The following ARHGAP25 variants were observed in gnomAD, a reference collection of about 807,000 sequenced individuals.
ARHGAP25 encodes rho GTPase-activating protein 25.
ARHGAP25 carries 34 observed loss-of-function variants against 71.0 expected under a neutral mutation model. The ratio of observed to expected loss-of-function variants is 0.48; its 90% CI spans 0.36 to 0.64. ARHGAP25 has a LOEUF of 0.64. Among genes scored for constraint, ARHGAP25 ranks in the 30% least tolerant of loss-of-function variants. The probability of loss-of-function intolerance (pLI) is 0.00; values close to 1 mark genes in which losing one functional copy is unlikely to be tolerated. For missense variants in ARHGAP25, 706 were observed against 805.1 expected (o/e 0.88, Z 1.49); for synonymous variants, 282 against 296.5 (o/e 0.95, Z 0.50).
intron 2 of ARHGAP25, among the ~76,000 whole-genome samples, chr2:68,779,249 C>A (rs1027443256): frequency 2.0e-5 from 3 of 152,170 alleles, no homozygotes; most frequent in Non-Finnish European, 4.4e-5. Context: ...CCCATCATGA[C>A]TGATGCAAGC....
At chr2:68,733,930 G>T (rs1675093466), upstream of ARHGAP25, among the ~76,000 whole-genome samples, 1 of 152,154 alleles carries the variant, frequency 6.6e-6, no homozygotes, top group African/African-American at 2.4e-5. Context: ...CTACAGATAA[G>T]AATTGAAGCA....
At chr2:68,755,693 G>A (rs930955648) in intron 1 of ARHGAP25, among the ~76,000 whole-genome samples, 2 of 152,142 alleles carry the variant, frequency 1.3e-5, no homozygotes, top group Non-Finnish European at 2.9e-5. Context: ...TACCGCTCTT[G>A]CGTCTGATTT....
chr2:68,787,712 T>G (rs1300152864), intron 3 of ARHGAP25, 128 bp from the exon 4 acceptor site: 7 of 741,178 alleles, frequency 9.4e-6, no homozygotes, highest in Non-Finnish European at 1.7e-5. Flanking sequence ...CGACAATGCA[T>G]TTGTGTTGTT....
intron 1 of ARHGAP25, among the ~76,000 whole-genome samples, chr2:68,755,972 A>G (rs1676458133): frequency 6.6e-6 from 1 of 152,242 alleles, no homozygotes; most frequent in African/African-American, 2.4e-5. Flanking sequence ...ATGAAATTAT[A>G]CCCTTAAAAT....
At chr2:68,719,873 C>G (rs1674712748) in intron 2 of ARHGAP25, among the ~76,000 whole-genome samples, 1 of 152,182 alleles carries the variant, frequency 6.6e-6, no homozygotes, top group African/African-American at 2.4e-5. Context: ...CTCTGACCTT[C>G]TCTTGGTACC....
chr2:68,792,954 G>T (rs1679289871), intron 4 of ARHGAP25, among the ~76,000 whole-genome samples: 1 of 151,826 alleles, frequency 6.6e-6, no homozygotes, highest in Admixed American at 6.6e-5. Flanking sequence ...TTACTTTTTG[G>T]TAATTGCCAT....
At position 68,735,134 on chromosome 2, in the gene ARHGAP25, A is replaced by G; in HGVS notation, c.-66A>G. The G allele has an allele frequency of 7.5e-7, 1 of 1,337,234 alleles. No individual in the cohort carries two copies. Among genetic ancestry groups the G allele is most frequent in the South Asian group, 1.2e-5 (1 of 85,458 alleles). The allele number at this position is 1,337,234 out of a possible 1,614,324, so 82.8% of individuals were successfully genotyped here. A position where few individuals can be genotyped will look rare whatever the true frequency, so the allele number is the denominator to read the frequency against. On this transcript the variant is annotated 5_prime_UTR_variant, in exon 1 of 11. Transcript: ENST00000409202. ...AAAAACAGAGGGAAAGAGTGAAAAGACAAGAAGGGCGCAAACTGTGACAGA... is the reference window on the plus strand; with the variant it reads ...AAAAACAGAGGGAAAGAGTGAAAAGGCAAGAAGGGCGCAAACTGTGACAGA...
chr2:68,724,028 C>T (rs188335630), intron 2 of ARHGAP25, among the ~76,000 whole-genome samples: 236 of 152,118 alleles, frequency 1.6e-3, no homozygotes, highest in Admixed American at 2.4e-3. Context: ...TGTGCCACCA[C>T]GCCCAGCTAA....
At chr2:68,825,638 G>C (rs1186572792) in intron 10 of ARHGAP25, among the ~76,000 whole-genome samples, 3 of 152,120 alleles carry the variant, frequency 2.0e-5, no homozygotes, top group African/African-American at 7.2e-5. Flanking sequence ...AGCTGGGTAT[G>C]GTGGCGGGCA....
At chr2:68,819,798 A>G (rs921282365) in intron 9 of ARHGAP25, 2 of 306,920 alleles carry the variant, frequency 6.5e-6, no homozygotes, top group Non-Finnish European at 1.2e-5. Context: ...CAGCCATGTC[A>G]GCCCCCACAT....
chr2:68,752,061 C>G (rs371044770), intron 1 of ARHGAP25, among the ~76,000 whole-genome samples: 1 of 152,216 alleles, frequency 6.6e-6, no homozygotes, highest in African/African-American at 2.4e-5. Context: ...TTAGACCCCA[C>G]GTAAAATTCT....
chr2:68,763,770 A>G (rs1018749700), intron 1 of ARHGAP25, among the ~76,000 whole-genome samples: 1 of 151,864 alleles, frequency 6.6e-6, no homozygotes, highest in Non-Finnish European at 1.5e-5. Context: ...AATTATTCTC[A>G]TTTTTTCTGC....
chr2:68,791,898 C>T (rs1679201810), intron 4 of ARHGAP25, among the ~76,000 whole-genome samples: 2 of 152,142 alleles, frequency 1.3e-5, no homozygotes, highest in Non-Finnish European at 2.9e-5. Context: ...GTGTTTCAGC[C>T]TTTTTCTTAT....
At chr2:68,764,121 T>C (rs1199265198) in intron 1 of ARHGAP25, among the ~76,000 whole-genome samples, 1 of 152,210 alleles carries the variant, frequency 6.6e-6, no homozygotes, top group Admixed American at 6.5e-5. Context: ...ACTCATATAA[T>C]TTGTTGTCTT....
intron 1 of ARHGAP25, 102 bp from the exon 2 acceptor site, chr2:68,775,119 C>T: frequency 1.3e-6 from 2 of 1,599,522 alleles, no homozygotes; most frequent in Non-Finnish European, 1.7e-6. Context: ...TGTCGTCCCC[C>T]CGCTTCTCAG....
intron 1 of ARHGAP25, among the ~76,000 whole-genome samples, chr2:68,754,519 A>T (rs1676366560): frequency 6.6e-6 from 1 of 152,230 alleles, no homozygotes; most frequent in Non-Finnish European, 1.5e-5. Context: ...TAACTTTTAG[A>T]CATTACGAAT....
intron 2 of ARHGAP25, among the ~76,000 whole-genome samples, chr2:68,723,872 C>T (rs995923688): frequency 4.6e-5 from 7 of 151,952 alleles, no homozygotes; most frequent in African/African-American, 1.2e-4. Context: ...AAATCTCTCT[C>T]TCTCTCTCTT....
intron 10 of ARHGAP25, among the ~76,000 whole-genome samples, chr2:68,823,109 CAAT>C: frequency 6.6e-6 from 1 of 152,314 alleles, no homozygotes; most frequent in Middle Eastern, 3.4e-3. Context: ...GTAGTTTAAT[CAAT>C]AATTTCCAAA....
chr2:68,719,139 T>G (rs1422207524), intron 2 of ARHGAP25, among the ~76,000 whole-genome samples: 1 of 152,148 alleles, frequency 6.6e-6, no homozygotes, highest in Non-Finnish European at 1.5e-5. Context: ...CTTTATGTCC[T>G]TTATTATAAA....
Sources: gnomAD v4.1 joint callset for allele counts (sites outside exome capture counted in the v4.1 genomes callset) on GRCh38, gnomAD v4.1.1 for gene constraint, MANE v1.5 for transcripts, NCBI Gene and HGNC (gene_info 2026-07-23, HGNC 2026-07-21) for gene names.